Variants in PTPRD observed in about 807,000 individuals in gnomAD.
PTPRD encodes receptor-type tyrosine-protein phosphatase delta.
PTPRD carries 34 observed loss-of-function variants against 214.5 expected under a neutral mutation model. That is an observed-to-expected ratio of 0.16 (90% CI 0.12 to 0.21). The LOEUF is 0.21. PTPRD is among the 10% of genes least tolerant of loss of function. The pLI is 1.00. For missense variants in PTPRD, 2,545 were observed against 2,398.7 expected (o/e 1.06, Z -1.27); for synonymous variants, 1,128 against 845.7 (o/e 1.33, Z -5.79).
intron 33 of PTPRD, among the ~76,000 whole-genome samples, chr9:8,451,455 G>A (rs1376778849): frequency 6.6e-6 from 1 of 152,100 alleles, no homozygotes; most frequent in African/African-American, 2.4e-5. Flanking sequence ...AAGACAAAGG[G>A]CTGGTGAAAA....
At chr9:10,536,615 G>A (rs928684180) in intron 2 of PTPRD, among the ~76,000 whole-genome samples, 5 of 152,066 alleles carry the variant, frequency 3.3e-5, no homozygotes, top group Non-Finnish European at 7.4e-5. Context: ...ATGTTTTGCT[G>A]GAACTATGCA....
intron 39 of PTPRD, among the ~76,000 whole-genome samples, chr9:8,347,427 G>A (rs921881052): frequency 1.3e-4 from 20 of 152,106 alleles, no homozygotes; most frequent in Non-Finnish European, 2.9e-4. Context: ...CAGAACAAAC[G>A]TGATCTTTCC....
intron 11 of PTPRD, among the ~76,000 whole-genome samples, chr9:8,868,441 T>C (rs527591662): frequency 1.7e-4 from 26 of 152,244 alleles, no homozygotes; most frequent in African/African-American, 6.3e-4. Flanking sequence ...TGGCCTCAAG[T>C]GATCCACTAG....
At chr9:9,180,610 A>T (rs1164892040) in intron 10 of PTPRD, among the ~76,000 whole-genome samples, 1 of 152,102 alleles carries the variant, frequency 6.6e-6, no homozygotes, top group Non-Finnish European at 1.5e-5. Flanking sequence ...TAATAAAATT[A>T]AAAAATATAT....
intron 9 of PTPRD, among the ~76,000 whole-genome samples, chr9:9,282,757 A>T (rs759368727): frequency 6.6e-6 from 1 of 151,460 alleles, no homozygotes. Context: ...TAAATGTTAA[A>T]GGTGAGTTTT....
intron 8 of PTPRD, among the ~76,000 whole-genome samples, chr9:9,421,928 T>C (rs1202622565): frequency 6.8e-6 from 1 of 146,272 alleles, no homozygotes; most frequent in Non-Finnish European, 1.5e-5. Context: ...GAATGGAGAA[T>C]AAAAAACAAA....
At chr9:8,438,749 T>C (rs1464872621) in intron 34 of PTPRD, 1 of 151,766 alleles carries the variant, frequency 6.6e-6, no homozygotes, top group Non-Finnish European at 1.5e-5. Context: ...ATGGACTGAG[T>C]GGTGGTTTGG....
intron 11 of PTPRD, among the ~76,000 whole-genome samples, chr9:9,005,232 G>T (rs745501892): frequency 4.6e-5 from 7 of 151,922 alleles, no homozygotes; most frequent in Non-Finnish European, 1.0e-4. Flanking sequence ...TCATTGCTAG[G>T]CATTTTGAAT....
At position 8,316,891 on chromosome 9, in the gene PTPRD, A is replaced by AACTG. The variant is rs3830409; in HGVS notation, c.*979_*982dup. 147 of 230,268 alleles carry AACTG rather than the reference A, an allele frequency of 6.4e-4. No individual in the cohort carries two copies. The highest frequency in any genetic ancestry group is 1.1e-3 in the Non-Finnish European group (125 of 116,034). 14.3% of individuals were successfully genotyped at this position (230,268 alleles called of 1,614,324 possible). ...GTTTAAAAAAACTAAATCATGGAAG[A>AACTG]ACTGACTGACTGATAACTGTATCTA... is the stretch of plus-strand genomic sequence containing the variant. On this transcript the variant is annotated 3_prime_UTR_variant, in exon 46 of 46. Transcript: ENST00000381196.
intron 11 of PTPRD, among the ~76,000 whole-genome samples, chr9:8,795,834 G>C (rs2096400713): frequency 6.6e-6 from 1 of 152,040 alleles, no homozygotes; most frequent in Non-Finnish European, 1.5e-5. Flanking sequence ...TAGAGGAGAA[G>C]ATTATTTGTT....
At chr9:9,607,183 T>C (rs1054366500) in intron 7 of PTPRD, among the ~76,000 whole-genome samples, 1 of 151,790 alleles carries the variant, frequency 6.6e-6, no homozygotes, top group Non-Finnish European at 1.5e-5. Flanking sequence ...ATTAGAAGAG[T>C]AGCAACATAA....
intron 2 of PTPRD, among the ~76,000 whole-genome samples, chr9:10,426,995 T>C (rs2098627932): frequency 6.6e-6 from 1 of 152,058 alleles, no homozygotes; most frequent in South Asian, 2.1e-4. Flanking sequence ...TTAAAGAGTC[T>C]TACAAGAGAT....
intron 9 of PTPRD, among the ~76,000 whole-genome samples, chr9:9,345,621 A>G (rs956724048): frequency 6.6e-6 from 1 of 152,210 alleles, no homozygotes; most frequent in Admixed American, 6.6e-5. Context: ...AGGTCATCCC[A>G]TATGGCTAGA....
chr9:8,841,412 A>G (rs1308050766), intron 11 of PTPRD, among the ~76,000 whole-genome samples: 2 of 152,176 alleles, frequency 1.3e-5, no homozygotes, highest in Admixed American at 1.3e-4. Flanking sequence ...AATGTTATAA[A>G]CAAATAGAAA....
chr9:10,384,098 G>T (rs529238535), intron 2 of PTPRD, among the ~76,000 whole-genome samples: 114 of 147,704 alleles, frequency 7.7e-4, no homozygotes, highest in Non-Finnish European at 1.5e-3. Context: ...AATAGAAAAA[G>T]ACCTAGTATT....
chr9:9,159,743 T>G (rs2099884735), intron 10 of PTPRD, among the ~76,000 whole-genome samples: 1 of 152,122 alleles, frequency 6.6e-6, no homozygotes, highest in South Asian at 2.1e-4. Context: ...CAAAAGGCCC[T>G]AACAGTGAAA....
chr9:8,562,626 G>A (rs911225546), intron 14 of PTPRD, among the ~76,000 whole-genome samples: 1 of 151,844 alleles, frequency 6.6e-6, no homozygotes, highest in Non-Finnish European at 1.5e-5. Context: ...TTGTAGATAC[G>A]GGGTTTCACC....
chr9:8,992,689 A>G (rs2099380387), intron 11 of PTPRD, among the ~76,000 whole-genome samples: 1 of 152,140 alleles, frequency 6.6e-6, no homozygotes, highest in Non-Finnish European at 1.5e-5. Flanking sequence ...AAGAGCCTAC[A>G]CCTTTCAAAA....
chr9:9,916,153 C>T (rs781350351), intron 5 of PTPRD, among the ~76,000 whole-genome samples: 11 of 150,308 alleles, frequency 7.3e-5, no homozygotes, highest in East Asian at 3.9e-4. Context: ...AAATGGAGGA[C>T]GAATGAAATG....
Sources: gnomAD v4.1 joint callset for allele counts (sites outside exome capture counted in the v4.1 genomes callset) on GRCh38, gnomAD v4.1.1 for gene constraint, MANE v1.5 for transcripts, NCBI Gene and HGNC (gene_info 2026-07-23, HGNC 2026-07-21) for gene names.